The following RIMS1 variants were observed in gnomAD, a reference collection of about 807,000 sequenced individuals.
The protein encoded by RIMS1 is regulating synaptic membrane exocytosis 1.
Under a neutral mutation model 214.1 loss-of-function variants are expected in RIMS1, and 83 were observed. That is an observed-to-expected ratio of 0.39 (90% CI 0.32 to 0.47). RIMS1 has a LOEUF of 0.47. RIMS1 is among the 20% of genes least tolerant of loss of function. RIMS1 has a pLI of 0.99. For missense variants in RIMS1, 2,050 were observed against 2,161.8 expected (o/e 0.95, Z 1.03); for synonymous variants, 793 against 786.8 (o/e 1.01, Z -0.13).
chr6:72,032,049 T>C (rs1307333301), intron 2 of RIMS1, among the ~76,000 whole-genome samples: 1 of 152,098 alleles, frequency 6.6e-6, no homozygotes, highest in Non-Finnish European at 1.5e-5. Flanking sequence ...TGGAGACTAA[T>C]GATGCATTTA....
rs1308121962 is a variant in RIMS1 at position 72,097,023 on chromosome 6, G to C, written c.320G>C (p.Gly107Ala). ...GGGGAAGAAGCGCGGCGTTACCAGG[G>C]CGAGCACAAAGACGATGCTCCGACT... is the stretch of plus-strand genomic sequence containing the variant. Reference protein sequence around the residue: ...KIGEEARRYQGEHKDDAPTCG... With the variant: ...KIGEEARRYQAEHKDDAPTCG... Residue 107 changes from glycine (G) to alanine (A), a missense_variant, in exon 3 of 34, where the codon GGC (glycine) becomes GCC (alanine). By Grantham distance (60) the Gly-to-Ala change is moderately conservative. Coordinates refer to ENST00000521978, the MANE Select transcript of RIMS1 (RefSeq NM_014989.7). The C allele has an allele frequency of 6.2e-7, 1 of 1,613,844 alleles. No homozygotes were observed. The highest frequency in any genetic ancestry group is 8.5e-7 in the Non-Finnish European group (1 of 1,179,868).
intron 28 of RIMS1, among the ~76,000 whole-genome samples, chr6:72,326,463 C>A (rs1214068399): frequency 6.6e-6 from 1 of 151,702 alleles, no homozygotes; most frequent in Non-Finnish European, 1.5e-5. Flanking sequence ...GGAAAGTAAG[C>A]TTCTGATGCT....
intron 1 of RIMS1, among the ~76,000 whole-genome samples, chr6:71,910,731 A>G (rs114370495): frequency 0.016 from 2,433 of 152,262 alleles, 55 homozygotes; most frequent in African/African-American, 0.054. Flanking sequence ...GAACAAAGGA[A>G]GCTGGTTGGG....
intron 2 of RIMS1, among the ~76,000 whole-genome samples, chr6:72,011,922 C>T (rs934705958): frequency 6.6e-6 from 1 of 152,180 alleles, no homozygotes; most frequent in Non-Finnish European, 1.5e-5. Flanking sequence ...GTCAGTGTGG[C>T]AATTCCTCAG....
chr6:72,275,146 A>G (rs1429432101), intron 23 of RIMS1, among the ~76,000 whole-genome samples: 249 of 24,564 alleles, frequency 0.01, 2 homozygotes, highest in Non-Finnish European at 0.014. Context: ...ATATATATAT[A>G]TATATATATA....
intron 2 of RIMS1, among the ~76,000 whole-genome samples, chr6:72,070,035 A>G (rs910771383): frequency 2.0e-5 from 3 of 152,194 alleles, no homozygotes; most frequent in African/African-American, 7.2e-5. Flanking sequence ...TTTGCTTATC[A>G]TACCTTCCCA....
chr6:71,970,207 A>T (rs1388639845), intron 2 of RIMS1, among the ~76,000 whole-genome samples: 1 of 152,210 alleles, frequency 6.6e-6, no homozygotes, highest in East Asian at 1.9e-4. Flanking sequence ...AAAATGATTG[A>T]TAATTACATT....
At chr6:72,395,629 T>G (rs1172469141) in intron 31 of RIMS1, among the ~76,000 whole-genome samples, 2 of 151,946 alleles carry the variant, frequency 1.3e-5, no homozygotes, top group Non-Finnish European at 2.9e-5. Context: ...AAAATATGAA[T>G]AAGAAGTTAT....
At chr6:72,382,203 T>C (rs2098502243) in intron 29 of RIMS1, among the ~76,000 whole-genome samples, 1 of 152,216 alleles carries the variant, frequency 6.6e-6, no homozygotes, top group African/African-American at 2.4e-5. Flanking sequence ...CAAAGAACCT[T>C]GTGCCATTTT....
At chr6:72,091,162 GC>G (rs1405733882) in intron 2 of RIMS1, among the ~76,000 whole-genome samples, 6 of 152,168 alleles carry the variant, frequency 3.9e-5, no homozygotes, top group Admixed American at 3.3e-4. Flanking sequence ...CCTGGCCTCT[GC>G]CCTGCTTTTA....
Position 72,182,530 on chromosome 6 carries a change from C to A in RIMS1, c.1059C>A (p.Thr353=). 6.4e-7 allele frequency: 1 copy of A among 1,566,770 alleles called. No homozygotes were observed. The highest frequency in any genetic ancestry group is 1.9e-5 in the Admixed American group (1 of 52,360). The change falls in exon 6 of 34, where the codon ACC becomes ACA. Residue 353 remains threonine, a synonymous_variant. Transcript: ENST00000521978. The part of the protein sequence containing the change: ...EKQRKEEDYQ[T]RYRSDPNLAR... ...AAAGAAAAGAGGAGGATTATCAGAC[C>A]AGGTACCGCAGCGACCCGAACCTAG...
chr6:72,143,998 T>G (rs947184444), intron 4 of RIMS1, among the ~76,000 whole-genome samples: 1 of 152,216 alleles, frequency 6.6e-6, no homozygotes, highest in Admixed American at 6.5e-5. Context: ...AAACATGTCC[T>G]GGACCACAGT....
intron 13 of RIMS1, among the ~76,000 whole-genome samples, chr6:72,250,698 C>A (rs976550556): frequency 6.6e-6 from 1 of 151,990 alleles, no homozygotes; most frequent in Admixed American, 6.6e-5. Flanking sequence ...TCTTTGATAG[C>A]GACACATCAT....
chr6:72,267,638 G>A (rs1454077146), intron 22 of RIMS1, among the ~76,000 whole-genome samples: 1 of 152,034 alleles, frequency 6.6e-6, no homozygotes, highest in Non-Finnish European at 1.5e-5. Context: ...ACCACATTAC[G>A]GTGCTCATTG....
intron 29 of RIMS1, among the ~76,000 whole-genome samples, chr6:72,358,288 TACAATTC>T (rs1172297307): frequency 6.6e-6 from 1 of 152,212 alleles, no homozygotes. Context: ...GAGAAATCTT[TACAATTC>T]TGTTTTTAAG....
intron 24 of RIMS1, 69 bp from the exon 25 acceptor site, chr6:72,290,610 C>T: frequency 7.2e-7 from 1 of 1,392,308 alleles, no homozygotes; most frequent in Non-Finnish European, 9.9e-7. Context: ...TTTCCTTGGA[C>T]AAATGTGTTG....
chr6:72,070,319 G>A (rs1031001342), intron 2 of RIMS1, among the ~76,000 whole-genome samples: 4 of 151,834 alleles, frequency 2.6e-5, no homozygotes, highest in Non-Finnish European at 4.4e-5. Context: ...ATAATCATAT[G>A]AAATATTATT....
intron 2 of RIMS1, among the ~76,000 whole-genome samples, chr6:72,079,964 C>T (rs914149479): frequency 2.7e-5 from 4 of 148,862 alleles, no homozygotes; most frequent in Admixed American, 1.4e-4. Context: ...GGGCTGAGCA[C>T]GGTGGCTCAT....
At chr6:72,118,503 C>A (rs1226492151) in intron 4 of RIMS1, among the ~76,000 whole-genome samples, 4 of 151,406 alleles carry the variant, frequency 2.6e-5, no homozygotes, top group Admixed American at 2.6e-4. Context: ...ATACAAAAAC[C>A]AGGAAAGGAC....
Sources: gnomAD v4.1 joint callset for allele counts (sites outside exome capture counted in the v4.1 genomes callset) on GRCh38, gnomAD v4.1.1 for gene constraint, MANE v1.5 for transcripts, NCBI Gene and HGNC (gene_info 2026-07-23, HGNC 2026-07-21) for gene names.